Variants in WWP2 observed in about 807,000 individuals in gnomAD.
WWP2 encodes NEDD4-like E3 ubiquitin-protein ligase WWP2.
In WWP2, 57 loss-of-function variants were observed where a neutral mutation model predicts 121.0. The ratio of observed to expected loss-of-function variants is 0.47; its 90% CI spans 0.38 to 0.59. The LOEUF (loss-of-function observed/expected upper bound fraction) is 0.59, where lower values mean the gene tolerates loss of function less well. Ranked by LOEUF, WWP2 falls within the 20% of genes least tolerant of loss-of-function variation. The pLI is 0.00. For missense variants in WWP2, 962 were observed against 1,158.9 expected (o/e 0.83, Z 2.47); for synonymous variants, 449 against 441.3 (o/e 1.02, Z -0.22).
At chr16:69,889,461 G>C (rs183083783) in intron 8 of WWP2, among the ~76,000 whole-genome samples, 1 of 152,308 alleles carries the variant, frequency 6.6e-6, no homozygotes, top group East Asian at 1.9e-4. Context: ...GACAGCTCTG[G>C]GTTTGAATCC....
At chr16:69,846,390 T>C (rs4985446) in intron 6 of WWP2, among the ~76,000 whole-genome samples, 60,930 of 151,908 alleles carry the variant, frequency 0.4, 12,411 homozygotes, top group Admixed American at 0.5. Flanking sequence ...AAACAATACA[T>C]GTTGTATGGA....
intron 4 of WWP2, among the ~76,000 whole-genome samples, chr16:69,820,823 T>TACACACACACAC (rs568569436): frequency 8.1e-6 from 1 of 122,934 alleles, no homozygotes; most frequent in Non-Finnish European, 1.8e-5. Context: ...AATACATGCA[T>TACACACACACAC]ATACACACAC....
At chr16:69,856,447 A>G (rs535424016) in intron 6 of WWP2, among the ~76,000 whole-genome samples, 1 of 152,274 alleles carries the variant, frequency 6.6e-6, no homozygotes, top group South Asian at 2.1e-4. Flanking sequence ...ATTTTACTCT[A>G]TGTAAATTAT....
At chr16:69,936,748 G>A (rs1018193871) in intron 19 of WWP2, 29 of 503,962 alleles carry the variant, frequency 5.8e-5, no homozygotes, top group South Asian at 1.3e-4. Context: ...CTTTCTCCGG[G>A]CCGAAAGGAT....
intron 7 of WWP2, among the ~76,000 whole-genome samples, chr16:69,886,851 C>T (rs1042755439): frequency 3.3e-5 from 5 of 152,124 alleles, no homozygotes; most frequent in African/African-American, 9.7e-5. Context: ...GAAACGTTCA[C>T]GAAGAATCTG....
chr16:69,808,398 A>T (rs2056323841), intron 4 of WWP2, among the ~76,000 whole-genome samples: 1 of 149,632 alleles, frequency 6.7e-6, no homozygotes, highest in African/African-American at 2.5e-5. Flanking sequence ...CCTGTCTTTT[A>T]TTTTTATTTT....
At position 69,925,508 on chromosome 16, in the gene WWP2, G is replaced by A; in HGVS notation, c.1234+24G>A. ...GGGTAAGTACTGAGTTCTCTTCCTG[G>A]CCCTTGGCCTTCCGTCAGCCACGGT... On this transcript the variant is annotated intron_variant, in intron 11 of 23. Coordinates refer to ENST00000359154, the MANE Select transcript of WWP2 (RefSeq NM_001270454.2). The surrounding 1 kb of genome is among the most constrained non-coding windows in gnomAD (Gnocchi z 4.0). 1 of 1,611,838 alleles carries A rather than the reference G, an allele frequency of 6.2e-7. No homozygotes were observed. The highest frequency in any genetic ancestry group is 8.5e-7 in the Non-Finnish European group (1 of 1,179,174).
At chr16:69,860,315 A>G (rs2057392794) in intron 6 of WWP2, among the ~76,000 whole-genome samples, 1 of 152,154 alleles carries the variant, frequency 6.6e-6, no homozygotes, top group South Asian at 2.1e-4. Context: ...CCTTCATTCA[A>G]CAGATATTTC....
intron 4 of WWP2, among the ~76,000 whole-genome samples, chr16:69,825,671 G>A (rs1397389089): frequency 6.7e-6 from 1 of 150,220 alleles, no homozygotes; most frequent in African/African-American, 2.5e-5. Flanking sequence ...TGTTGCCCAG[G>A]CTGAGGTGTA....
rs573604741 is a variant in WWP2, at chr16:69,846,040, A to T, written c.575+3920A>T. On this transcript the variant is annotated intron_variant, in intron 6 of 23. Transcript: ENST00000359154. Reference sequence around the variant, plus strand: ...ACTCCAGCCTGGGTGACAGAGCCAGACTCCATCTCAAAAAAAAAAAAAAAA... The same window carrying T: ...ACTCCAGCCTGGGTGACAGAGCCAGTCTCCATCTCAAAAAAAAAAAAAAAA... Among the ~76,000 whole-genome samples the T allele has an allele frequency of 3.9e-5, 4 of 101,886 alleles. No individual in the cohort carries two copies. The Admixed American group carries it at 4.8e-4, about 12-fold the overall frequency. 66.8% of individuals were successfully genotyped at this position (101,886 alleles called of 152,430 possible).
chr16:69,881,373 A>G (rs933298721), intron 7 of WWP2, among the ~76,000 whole-genome samples: 4 of 152,174 alleles, frequency 2.6e-5, no homozygotes, highest in Admixed American at 1.3e-4. Context: ...GAATAATAAT[A>G]TCTTCCTCAT....
At position 69,888,263 on chromosome 16, in the gene WWP2, T is replaced by C. The variant is rs1467882319; in HGVS notation, c.914+14T>C. On this transcript the variant is annotated intron_variant, in intron 8 of 23. Transcript: ENST00000359154. ...TCTGCCTGCTGGGTGAGTAGTCTTC[T>C]GTCCCATAACAGATCTCTCCTCCTC... 1.2e-6 allele frequency: 2 copies of C among 1,613,068 alleles called. No individual in the cohort carries two copies.
intron 1 of WWP2, among the ~76,000 whole-genome samples, chr16:69,767,663 G>A (rs1204262305): frequency 1.3e-5 from 2 of 152,162 alleles, no homozygotes; most frequent in African/African-American, 4.8e-5. Flanking sequence ...AGTTTTACAG[G>A]GTTGTGCTGG....
intron 6 of WWP2, among the ~76,000 whole-genome samples, chr16:69,862,293 G>A (rs1363784654): frequency 2.0e-5 from 3 of 152,144 alleles, no homozygotes; most frequent in African/African-American, 7.2e-5. Flanking sequence ...TGGAAGTCCC[G>A]ACCTCAGGTG....
chr16:69,775,578 A>G (rs1438829853), intron 1 of WWP2, among the ~76,000 whole-genome samples: 1 of 152,166 alleles, frequency 6.6e-6, no homozygotes, highest in Non-Finnish European at 1.5e-5. Context: ...TTTCCATTAG[A>G]GCCCTGAACC....
intron 1 of WWP2, among the ~76,000 whole-genome samples, chr16:69,776,032 T>C (rs998367204): frequency 6.6e-6 from 1 of 152,204 alleles, no homozygotes; most frequent in African/African-American, 2.4e-5. Context: ...CTTTCAGCCC[T>C]AATTCCCTGT....
At chr16:69,782,314 A>T (rs1232953839) in intron 1 of WWP2, among the ~76,000 whole-genome samples, 1 of 152,152 alleles carries the variant, frequency 6.6e-6, no homozygotes, top group Non-Finnish European at 1.5e-5. Flanking sequence ...GAGGGATGAC[A>T]TTCAAAGCCT....
rs970758275 is a variant in WWP2, at chr16:69,929,567, G to A, written c.1316+38G>A. 1.9e-6 allele frequency: 3 copies of A among 1,588,120 alleles called. No individual in the cohort carries two copies. The African/African-American group carries it at 4.0e-5, about 21-fold the overall frequency. On this transcript the variant is annotated intron_variant, in intron 12 of 23. Coordinates refer to ENST00000359154, the MANE Select transcript of WWP2 (RefSeq NM_001270454.2). ...GCTGAGAGGGGGGCCGGGCTGGGCT[G>A]GGTCTCTGTGCAGCTCCAGCACTGG...
chr16:69,897,398 C>T (rs369713650), intron 8 of WWP2, among the ~76,000 whole-genome samples: 2 of 152,044 alleles, frequency 1.3e-5, no homozygotes, highest in African/African-American at 4.8e-5. Flanking sequence ...TCACTGTGCC[C>T]GGCACCTGAG....
Sources: allele counts gnomAD v4.1 joint callset (sites outside exome capture counted in the v4.1 genomes callset), GRCh38; gene constraint gnomAD v4.1.1; non-coding constraint Gnocchi (gnomAD v3.1); transcripts MANE v1.5; gene names NCBI Gene and HGNC (gene_info 2026-07-23, HGNC 2026-07-21).